The following MICALL1 variants were observed in gnomAD, a reference collection of about 807,000 sequenced individuals.
MICALL1 encodes MICAL-like protein 1.
Under a neutral mutation model 83.7 loss-of-function variants are expected in MICALL1, and 61 were observed. That is an observed-to-expected ratio of 0.73 (90% CI 0.59 to 0.90). MICALL1 has a LOEUF of 0.90. Among genes scored for constraint, MICALL1 ranks in the 40% least tolerant of loss-of-function variants. The pLI is 0.00. For missense variants in MICALL1, 1,066 were observed against 1,152.0 expected (o/e 0.93, Z 1.08); for synonymous variants, 481 against 473.6 (o/e 1.02, Z -0.20).
At position 37,941,003 on chromosome 22, in the gene MICALL1, C is replaced by A; in HGVS notation, c.*173C>A. ...TCAGGGACCTCTGACTGCTCTGGGC[C>A]AAAGAATCTCTTGTTTCTTCTCCGA... On this transcript the variant is annotated 3_prime_UTR_variant, in exon 16 of 16. Transcript: ENST00000215957. 1 of 739,680 alleles carries A rather than the reference C, an allele frequency of 1.4e-6. No homozygotes were observed. The highest frequency in any genetic ancestry group is 2.1e-6 in the Non-Finnish European group (1 of 472,790). The allele number at this position is 739,680 out of a possible 1,614,324, so 45.8% of individuals were successfully genotyped here. A position where few individuals can be genotyped will look rare whatever the true frequency, so the allele number is the denominator to read the frequency against.
chr22:37,932,976 C>CGCAGG lies in MICALL1; in HGVS notation c.2235-53_2235-49dup, dbSNP rs1929883218. ...TACCCTCTTCCCTCATCAGTAACAG[C>CGCAGG]GCAGGGCAGGGCAGCCGGGGCTCGG... is the stretch of plus-strand genomic sequence containing the variant. On this transcript the variant is annotated intron_variant, in intron 12 of 15. Transcript: ENST00000215957. The surrounding 1 kb of genome is among the most constrained non-coding windows in gnomAD (Gnocchi z 4.4). 5.6e-6 allele frequency: 9 copies of CGCAGG among 1,611,176 alleles called. No individual in the cohort carries two copies. Among genetic ancestry groups the CGCAGG allele is most frequent in the Admixed American group, 1.7e-5 (1 of 60,002 alleles).
In MICALL1 at chr22:37,940,867, G is replaced by A; in HGVS notation, c.*37G>A. On this transcript the variant is annotated 3_prime_UTR_variant, in exon 16 of 16. Transcript: ENST00000215957. ...GCCAGTTGGGGACTGCCCCCTCCTG[G>A]AGCAGCTCCTGGGCTGTGCTCTGTT... 5 of 1,611,468 alleles carry A rather than the reference G, an allele frequency of 3.1e-6. No individual in the cohort carries two copies. Among genetic ancestry groups the A allele is most frequent in the Non-Finnish European group, 4.2e-6 (5 of 1,178,426 alleles).
rs756580283 is a variant in MICALL1, at chr22:37,933,098, T to G, written c.2294T>G (p.Leu765Arg). 3.1e-6 allele frequency: 5 copies of G among 1,613,626 alleles called. No individual in the cohort carries two copies. The highest frequency in any genetic ancestry group is 1.1e-5 in the South Asian group (1 of 91,082). Residue 765 changes from leucine to arginine, a missense_variant, in exon 13 of 16, where the codon CTC becomes CGC. Coordinates refer to ENST00000215957, the MANE Select transcript of MICALL1 (RefSeq NM_033386.4). ...QADVEYELRC[L>R]LNKPEKDWTE... is the part of the protein sequence containing the mutation. ...GATGTCGAGTATGAGCTCCGGTGCCTCCTCAATAAGCCAGGTGAGTGCAGC... is the reference window on the plus strand; with the variant it reads ...GATGTCGAGTATGAGCTCCGGTGCCGCCTCAATAAGCCAGGTGAGTGCAGC...
chr22:37,921,538 A>C (rs779255938), intron 5 of MICALL1, among the ~76,000 whole-genome samples: 1 of 152,174 alleles, frequency 6.6e-6, no homozygotes. Context: ...GCACCATTGC[A>C]CTCCAGCCTG....
At chr22:37,926,395 A>G (rs1299722426) in intron 8 of MICALL1, among the ~76,000 whole-genome samples, 2 of 152,150 alleles carry the variant, frequency 1.3e-5, no homozygotes, top group Non-Finnish European at 2.9e-5. Context: ...CGAGGGGCTC[A>G]TGGAAAGGAG....
At chr22:37,919,203 C>A (rs1490331395) in intron 5 of MICALL1, 25 bp downstream of exon 5, 1 of 1,493,680 alleles carries the variant, frequency 6.7e-7, no homozygotes, top group East Asian at 2.6e-5. Context: ...CCGCGTGTTA[C>A]CCCCGAAACC....
Position 37,932,661 on chromosome 22 carries a change from C to G in MICALL1, c.2125C>G (p.Leu709Val), listed in dbSNP as rs1171269428. ...CCGTGGGGTGCTGCTGGAGGAGAAG[C>G]TGCGTGGCGGCCTGAATGGTGCGGG... is the stretch of plus-strand genomic sequence containing the variant. ...EHRGVLLEEK[L>V]RGGLNEGRED... The change falls in exon 11 of 16, where the codon CTG becomes GTG. Residue 709 changes from leucine to valine, a missense_variant. Transcript: ENST00000215957. The surrounding 1 kb of genome is among the most constrained non-coding windows in gnomAD (Gnocchi z 4.4). 6.2e-7 allele frequency: 1 copy of G among 1,613,976 alleles called. No individual in the cohort carries two copies. The highest frequency in any genetic ancestry group is 8.5e-7 in the Non-Finnish European group (1 of 1,179,962).
At position 37,917,717 on chromosome 22, in the gene MICALL1, G is replaced by A. The variant is rs144863437; in HGVS notation, c.348G>A (p.Ser116=). The change falls in exon 4 of 16, where the codon TCG becomes TCA. Residue 116 remains serine, a synonymous_variant. Transcript: ENST00000215957. ...CTCATCTCTTGGCAGCTGGTGTCTC[G>A]CCACCCAGAAAGGGCCTTGCACCCT... The part of the protein sequence containing the change: ...HFCSPGQAGV[S]PPRKGLAPCS... 7.3e-5 allele frequency: 118 copies of A among 1,613,582 alleles called. No individual in the cohort carries two copies. The African/African-American group carries it at 1.2e-3, about 17-fold the overall frequency.
Position 37,934,059 on chromosome 22 carries a change from G to A in MICALL1, c.2308+947G>A, listed in dbSNP as rs151199115. 3.3e-3 allele frequency among the ~76,000 whole-genome samples: 496 copies of A among 152,352 alleles called. 3 individuals carry two copies. The highest frequency in any genetic ancestry group is 5.1e-3 in the Non-Finnish European group (348 of 68,028). On this transcript the variant is annotated intron_variant, in intron 13 of 15. Coordinates refer to ENST00000215957, the MANE Select transcript of MICALL1 (RefSeq NM_033386.4). ...TCCCAACTCTGCAGGAGGCTGGGGC[G>A]TGGCCACCACTCAGAGCCACAGCGG...
At position 37,932,740 on chromosome 22, in the gene MICALL1, G is replaced by C; in HGVS notation, c.2144-58G>C. The C allele has an allele frequency of 6.2e-7, 1 of 1,612,930 alleles. No homozygotes were observed. The highest frequency in any genetic ancestry group is 8.5e-7 in the Non-Finnish European group (1 of 1,179,538). On this transcript the variant is annotated intron_variant, in intron 11 of 15. Transcript: ENST00000215957. The surrounding 1 kb of genome is among the most constrained non-coding windows in gnomAD (Gnocchi z 4.4). ...CTGGGGGCAGGAGCCTCTATTCCCC[G>C]GGGAACTGAGCCAGGCATGGCAGCC...
intron 1 of MICALL1, among the ~76,000 whole-genome samples, chr22:37,910,068 G>C (rs201800047): frequency 1.3e-5 from 2 of 152,298 alleles, no homozygotes; most frequent in East Asian, 3.9e-4. Context: ...TTTCATTTCT[G>C]TGTCCTTCAT....
rs1480778562 is a variant in MICALL1, at chr22:37,927,839, T to G, written c.1881+13T>G. On this transcript the variant is annotated intron_variant, in intron 9 of 15. Transcript: ENST00000215957. ...GCTGCAGGTAAAGGTGAGTGCCCCCTCACCCTCACTAAAAGTGACATCCTC... is the reference window on the plus strand; with the variant it reads ...GCTGCAGGTAAAGGTGAGTGCCCCCGCACCCTCACTAAAAGTGACATCCTC... 6.3e-7 allele frequency: 1 copy of G among 1,587,588 alleles called. No homozygotes were observed. Among genetic ancestry groups the G allele is most frequent in the South Asian group, 1.1e-5 (1 of 88,756 alleles).
intron 10 of MICALL1, 43 bp downstream of exon 10, chr22:37,931,976 G>C: frequency 3.1e-6 from 5 of 1,601,606 alleles, no homozygotes; most frequent in South Asian, 1.1e-5. Context: ...GCCTGGGCTG[G>C]CAACCCCCAC....
At chr22:37,913,785 C>G (rs932882185) in intron 3 of MICALL1, among the ~76,000 whole-genome samples, 3 of 152,010 alleles carry the variant, frequency 2.0e-5, no homozygotes, top group African/African-American at 7.2e-5. Flanking sequence ...GAATCCAACG[C>G]TGGATTCCTG....
At chr22:37,920,621 T>TA (rs1928967707) in intron 5 of MICALL1, among the ~76,000 whole-genome samples, 5 of 143,944 alleles carry the variant, frequency 3.5e-5, no homozygotes, top group African/African-American at 1.1e-4. Flanking sequence ...TACAAAAAAA[T>TA]TAAAAAAAAA....
rs920451308 is a variant in MICALL1 at position 37,930,219 on chromosome 22, C to T, written c.1882-1580C>T. Among the ~76,000 whole-genome samples the T allele has an allele frequency of 1.3e-5, 2 of 152,196 alleles. No individual in the cohort carries two copies. Among genetic ancestry groups the T allele is most frequent in the African/African-American group, 4.8e-5 (2 of 41,442 alleles). On this transcript the variant is annotated intron_variant, in intron 9 of 15. Coordinates refer to ENST00000215957, the MANE Select transcript of MICALL1 (RefSeq NM_033386.4). The surrounding 1 kb of genome is among the most constrained non-coding windows in gnomAD (Gnocchi z 4.8). Reference sequence around the variant, plus strand: ...GGGCTGCTTGGCTCTGCTGGCCCCTCTGGGTGTGTTAGAGGGAGGGGGCAG... The same window carrying T: ...GGGCTGCTTGGCTCTGCTGGCCCCTTTGGGTGTGTTAGAGGGAGGGGGCAG...
chr22:37,935,892 G>A (rs972200798), intron 13 of MICALL1, among the ~76,000 whole-genome samples: 8 of 152,018 alleles, frequency 5.3e-5, no homozygotes, highest in South Asian at 2.1e-4. Context: ...ACCACACCCC[G>A]CTAATTTTTG....
intron 14 of MICALL1, 130 bp from the exon 15 acceptor site, chr22:37,937,616 G>A (rs973343776): frequency 1.2e-6 from 1 of 842,806 alleles, no homozygotes; most frequent in African/African-American, 1.7e-5. Context: ...TAGAGATGGG[G>A]TTTCACCATG....
rs369952504 is a variant in MICALL1 at position 37,922,204 on chromosome 22, G to A, written c.802G>A (p.Asp268Asn). Residue 268 changes from aspartate to asparagine, a missense_variant, in exon 6 of 16, where the codon GAT becomes AAT. Asp to Asn is a conservative substitution (Grantham distance 23). Coordinates refer to ENST00000215957, the MANE Select transcript of MICALL1 (RefSeq NM_033386.4). Reference protein sequence around the residue: ...SSSAPAGAEADGPKASPEARP... With the variant: ...SSSAPAGAEANGPKASPEARP... The stretch of plus-strand genomic sequence containing the variant: ...CAGTGCTCCTGCAGGGGCTGAGGCC[G>A]ATGGACCCAAGGCCAGCCCTGAGGC... 36 of 1,611,796 alleles carry A rather than the reference G, an allele frequency of 2.2e-5. No homozygotes were observed. Among genetic ancestry groups the A allele is most frequent in the Non-Finnish European group, 2.8e-5 (33 of 1,179,546 alleles).
Sources: gnomAD v4.1 joint callset for allele counts (sites outside exome capture counted in the v4.1 genomes callset) on GRCh38, gnomAD v4.1.1 for gene constraint, Gnocchi (gnomAD v3.1) non-coding constraint, MANE v1.5 for transcripts, NCBI Gene and HGNC (gene_info 2026-07-23, HGNC 2026-07-21) for gene names.